Variants in DYNC2H1 observed in about 807,000 individuals in gnomAD.
DYNC2H1 encodes the protein cytoplasmic dynein 2 heavy chain 1.
A neutral mutation model predicts 570.0 loss-of-function variants in DYNC2H1; 410 were observed. That is an observed-to-expected ratio of 0.72 (90% CI 0.66 to 0.78). The LOEUF (loss-of-function observed/expected upper bound fraction) is 0.78, where lower values mean the gene tolerates loss of function less well. Ranked by LOEUF, DYNC2H1 falls within the 30% of genes least tolerant of loss-of-function variation. DYNC2H1 has a pLI of 0.00. For synonymous variants in DYNC2H1, 1,688 were observed against 1,677.6 expected, an observed-to-expected ratio of 1.01 and a Z score of -0.15; for missense variants, 4,865 against 5,046.4, an observed-to-expected ratio of 0.96 and a Z score of 1.09.
rs768842579 is a variant in DYNC2H1, at chr11:103,135,664, G to A, written c.2345+30G>A. The A allele has an allele frequency of 1.5e-5, 24 of 1,608,486 alleles. 1 individual carries two copies. The South Asian group carries it at 2.6e-4, about 17-fold the overall frequency. On this transcript the variant is annotated intron_variant, in intron 16 of 88. Transcript: ENST00000375735. ...GATGTTTTTTCAACCCCAATTTAAT[G>A]TTCATTGTATAATTTTCTAACAATT...
At position 103,439,305 on chromosome 11, in the gene DYNC2H1, A is replaced by G. The variant is rs1259438619; in HGVS notation, c.12456+3273A>G. ...AGAAGGCAGACCAGAGTCTGATATC[A>G]AGAGTAAGTATTGTGTTATACCAAA... On this transcript the variant is annotated intron_variant, in intron 85 of 88. Coordinates refer to ENST00000375735, the MANE Select transcript of DYNC2H1 (RefSeq NM_001377.3). This position sits in a 1 kb window ranked among gnomAD's most constrained non-coding sequence, Gnocchi z 4.1. Among the ~76,000 whole-genome samples, 1 of 152,136 alleles carries G rather than the reference A, an allele frequency of 6.6e-6. No homozygotes were observed. The highest frequency in any genetic ancestry group is 1.5e-5 in the Non-Finnish European group (1 of 68,028).
Position 103,417,272 on chromosome 11 carries a change from G to A in DYNC2H1, c.12366+17400G>A, listed in dbSNP as rs532139335. Among the ~76,000 whole-genome samples the A allele has an allele frequency of 2.0e-5, 3 of 150,916 alleles. No homozygotes were observed. The East Asian group carries it at 5.8e-4, about 29-fold the overall frequency. On this transcript the variant is annotated intron_variant, in intron 84 of 88. Coordinates refer to ENST00000375735, the MANE Select transcript of DYNC2H1 (RefSeq NM_001377.3). Reference sequence around the variant, plus strand: ...TTTTTATATTTTTAGTTGAGACGGGGTTTCACCATGTTGGTCAGGGGGGTT... The same window carrying A: ...TTTTTATATTTTTAGTTGAGACGGGATTTCACCATGTTGGTCAGGGGGGTT...
chr11:103,348,814 C>G (rs1939893450), intron 82 of DYNC2H1, among the ~76,000 whole-genome samples: 1 of 152,058 alleles, frequency 6.6e-6, no homozygotes, highest in Non-Finnish European at 1.5e-5. Flanking sequence ...AGGGAGGGAC[C>G]TCATGGGAGG....
intron 79 of DYNC2H1, among the ~76,000 whole-genome samples, chr11:103,314,091 C>CCT (rs1423372006): frequency 2.0e-5 from 3 of 152,032 alleles, no homozygotes; most frequent in Non-Finnish European, 4.4e-5. Flanking sequence ...GTTATATAGG[C>CCT]ACATGGTATA....
In DYNC2H1 at chr11:103,472,820, CTTT is replaced by C. The variant is rs200519741; in HGVS notation, c.12765+4122_12765+4124del. 6.6e-6 allele frequency among the ~76,000 whole-genome samples: 1 copy of C among 151,286 alleles called. No homozygotes were observed. The highest frequency in any genetic ancestry group is 1.5e-5 in the Non-Finnish European group (1 of 67,750). The stretch of plus-strand genomic sequence containing the variant: ...AAAATTCAGAACTTTGGTAACTAAA[CTTT>C]TTTTTTACACCAGAAGGAGGTTATT... On this transcript the variant is annotated intron_variant, in intron 88 of 88. Coordinates refer to ENST00000375735, the MANE Select transcript of DYNC2H1 (RefSeq NM_001377.3). The surrounding 1 kb of genome is among the most constrained non-coding windows in gnomAD (Gnocchi z 4.1).
At position 103,234,037 on chromosome 11, in the gene DYNC2H1, T is replaced by G; in HGVS notation, c.9444T>G (p.Phe3148Leu). 6.4e-7 allele frequency: 1 copy of G among 1,553,108 alleles called. No homozygotes were observed. Among genetic ancestry groups the G allele is most frequent in the African/African-American group, 1.4e-5 (1 of 73,168 alleles). ...TTAAATTTTAATGTTTACATAGATT[T>G]CAGAGCAGGACTTCAGAAGCTGCCA... is the stretch of plus-strand genomic sequence containing the variant. ...GQKVSELKEK[F>L]QSRTSEAAKL... Residue 3148 changes from phenylalanine to leucine, a missense_variant, in exon 61 of 89, where the codon TTT (phenylalanine) becomes TTG (leucine). Physicochemically the swap from Phe to Leu is conservative, Grantham distance 22. Transcript: ENST00000375735.
chr11:103,303,142 A>G lies in DYNC2H1; in HGVS notation c.11145A>G (p.Lys3715=), dbSNP rs1172663258. The change falls in exon 76 of 89, where the codon AAA becomes AAG. Residue 3715 remains lysine, a synonymous_variant. Coordinates refer to ENST00000375735, the MANE Select transcript of DYNC2H1 (RefSeq NM_001377.3). The part of the protein sequence containing the change: ...PLPLNLKRLY[K]ETLEIEPILI... ...CTCTAAATCTCAAACGTTTATACAA[A>G]GAGACACTGGAAATTGAACCCATCT... 2 of 1,611,250 alleles carry G rather than the reference A, an allele frequency of 1.2e-6. No individual in the cohort carries two copies. The highest frequency in any genetic ancestry group is 2.2e-5 in the East Asian group (1 of 44,772).
In DYNC2H1 at chr11:103,122,698, G is replaced by A. The variant is rs115727602; in HGVS notation, c.1486-127G>A. Reference sequence around the variant, plus strand: ...TTTTATATTCTTTGGTGAATCTTCCGTTTCACTGTTTATAGATGAAAGGTA... The same window carrying A: ...TTTTATATTCTTTGGTGAATCTTCCATTTCACTGTTTATAGATGAAAGGTA... On this transcript the variant is annotated intron_variant, in intron 10 of 88. Transcript: ENST00000375735. The A allele has an allele frequency of 4.3e-3, 3,475 of 806,730 alleles. 71 individuals are homozygous for A. The African/African-American group carries it at 0.05, about 12-fold the overall frequency. 50.0% of individuals were successfully genotyped at this position (806,730 alleles called of 1,614,324 possible).
rs868843817 is a variant in DYNC2H1 at position 103,307,489 on chromosome 11, G to A, written c.11383-232G>A. ...ACCAAGGTCACATAGCAGATTAGTG[G>A]CAAAGTATGAATTTCAACCCAGTCA... is the stretch of plus-strand genomic sequence containing the variant. On this transcript the variant is annotated intron_variant, in intron 77 of 88. Transcript: ENST00000375735. Among the ~76,000 whole-genome samples, 12 of 152,176 alleles carry A rather than the reference G, an allele frequency of 7.9e-5. No individual in the cohort carries two copies. In the South Asian group the frequency reaches 8.3e-4, roughly 11 times the overall value.
chr11:103,157,950 T>C lies in DYNC2H1; in HGVS notation c.4128-727T>C, dbSNP rs1860908772. Among the ~76,000 whole-genome samples the C allele has an allele frequency of 6.6e-6, 1 of 152,216 alleles. No homozygotes were observed. The highest frequency in any genetic ancestry group is 6.5e-5 in the Admixed American group (1 of 15,280). ...CAGAAACGTCTTCTACTCACTCACTTTTTCATTTTATTCTTCATCTGCATA... is the reference window on the plus strand; with the variant it reads ...CAGAAACGTCTTCTACTCACTCACTCTTTCATTTTATTCTTCATCTGCATA... On this transcript the variant is annotated intron_variant, in intron 26 of 88. Coordinates refer to ENST00000375735, the MANE Select transcript of DYNC2H1 (RefSeq NM_001377.3). This position sits in a 1 kb window ranked among gnomAD's most constrained non-coding sequence, Gnocchi z 4.2.
chr11:103,177,785 C>T lies in DYNC2H1; in HGVS notation c.6104C>T (p.Thr2035Ile). ...DTREWSDGVL[T>I]NSARQVVREP... is the part of the protein sequence containing the mutation. Reference sequence around the variant, plus strand: ...AGAGAATGGTCTGATGGTGTTTTGACAAATAGTGCTCGTCAAGTGGTTCGG... The same window carrying T: ...AGAGAATGGTCTGATGGTGTTTTGATAAATAGTGCTCGTCAAGTGGTTCGG... Residue 2035 changes from threonine to isoleucine, a missense_variant, in exon 38 of 89, where the codon ACA becomes ATA. Physicochemically the swap from Thr to Ile is moderately conservative, Grantham distance 89. Coordinates refer to ENST00000375735, the MANE Select transcript of DYNC2H1 (RefSeq NM_001377.3). The surrounding 1 kb of genome is among the most constrained non-coding windows in gnomAD (Gnocchi z 4.4). The T allele has an allele frequency of 6.2e-7, 1 of 1,612,592 alleles. No individual in the cohort carries two copies. Among genetic ancestry groups the T allele is most frequent in the Non-Finnish European group, 8.5e-7 (1 of 1,179,370 alleles).
At chr11:103,331,563 G>A (rs930800814) in intron 82 of DYNC2H1, among the ~76,000 whole-genome samples, 4 of 152,104 alleles carry the variant, frequency 2.6e-5, no homozygotes, top group African/African-American at 9.7e-5. Context: ...AAAGTTATAT[G>A]CATTTGTAAG....
At position 103,283,091 on chromosome 11, in the gene DYNC2H1, C is replaced by T; in HGVS notation, c.10890+6C>T. On this transcript the variant is annotated splice_donor_region_variant and intron_variant, in intron 73 of 88. Transcript: ENST00000375735. ...GGGCCGTGGCAACATTAAAGGTATTCCTTTTCTACTATGAGACATGTTTTA... is the reference window on the plus strand; with the variant it reads ...GGGCCGTGGCAACATTAAAGGTATTTCTTTTCTACTATGAGACATGTTTTA... The T allele has an allele frequency of 6.3e-7, 1 of 1,596,444 alleles. No homozygotes were observed. The highest frequency in any genetic ancestry group is 1.1e-5 in the South Asian group (1 of 88,364).
At chr11:103,142,371 G>A (rs888918522) in intron 17 of DYNC2H1, among the ~76,000 whole-genome samples, 1 of 152,048 alleles carries the variant, frequency 6.6e-6, no homozygotes, top group Non-Finnish European at 1.5e-5. Flanking sequence ...TTTTAAAATA[G>A]TTGTGTCATC....
In DYNC2H1 at chr11:103,245,253, T is replaced by G. The variant is rs778213371; in HGVS notation, c.9921T>G (p.Asp3307Glu). 6.5e-7 allele frequency: 1 copy of G among 1,531,746 alleles called. No individual in the cohort carries two copies. The highest frequency in any genetic ancestry group is 2.5e-5 in the East Asian group (1 of 40,656). The allele number at this position is 1,531,746 out of a possible 1,614,324, so 94.9% of individuals were successfully genotyped here. The change falls in exon 65 of 89, where the codon GAT becomes GAG. Residue 3307 changes from aspartate to glutamate, a missense_variant and splice_region_variant. Around this residue, in one of 5 missense-constraint regions of DYNC2H1, gnomAD observed 2,401 missense variants for 2,454.6 expected, o/e 0.98. Transcript: ENST00000375735. This position sits in a 1 kb window ranked among gnomAD's most constrained non-coding sequence, Gnocchi z 4.5. Reference protein sequence around the residue: ...DSRLEVINQQDSNFITALELA... With the variant: ...DSRLEVINQQESNFITALELA... ...CGTATTCTTTTTTATTCAATTAGGATAGTAACTTTATCACAGCTCTTGAAT... is the reference window on the plus strand; with the variant it reads ...CGTATTCTTTTTTATTCAATTAGGAGAGTAACTTTATCACAGCTCTTGAAT...
chr11:103,403,644 C>T (rs1942737108), intron 84 of DYNC2H1: 1 of 152,014 alleles, frequency 6.6e-6, no homozygotes, highest in Non-Finnish European at 1.5e-5. Context: ...TTTAAGCATT[C>T]AGGAATTGCA....
chr11:103,358,460 G>A (rs2512128), intron 83 of DYNC2H1, 101 bp downstream of exon 83: 1 of 774,982 alleles, frequency 1.3e-6, no homozygotes, highest in Non-Finnish European at 2.2e-6. Flanking sequence ...TCACATTGCA[G>A]AGGTTCCTAA....
rs1293772198 is a variant in DYNC2H1, at chr11:103,154,873, AC to A, written c.3573+65del. 1.1e-4 allele frequency: 122 copies of A among 1,152,638 alleles called. No individual in the cohort carries two copies. The Middle Eastern group carries it at 1.3e-3, about 12-fold the overall frequency. 71.4% of individuals were successfully genotyped at this position (1,152,638 alleles called of 1,614,324 possible). On this transcript the variant is annotated intron_variant, in intron 24 of 88. Coordinates refer to ENST00000375735, the MANE Select transcript of DYNC2H1 (RefSeq NM_001377.3). ...TTTGGAGCTTTCATCTTATGTAGTG[AC>A]TGAACTATATAATTTTACTTTATAT...
Position 103,256,162 on chromosome 11 carries a change from G to C in DYNC2H1, c.10383G>C (p.Leu3461Phe). 1 of 1,608,800 alleles carries C rather than the reference G, an allele frequency of 6.2e-7. No homozygotes were observed. The highest frequency in any genetic ancestry group is 8.5e-7 in the Non-Finnish European group (1 of 1,177,134). The change falls in exon 68 of 89, where the codon TTG becomes TTC. Residue 3461 changes from leucine to phenylalanine, a missense_variant. By Grantham distance (22) the Leu-to-Phe change is conservative (BLOSUM62 0). This residue lies in a region of DYNC2H1 where 2,401 missense variants were observed against 2,454.6 expected (regional missense o/e 0.98). Transcript: ENST00000375735. This position sits in a 1 kb window ranked among gnomAD's most constrained non-coding sequence, Gnocchi z 4.0. The stretch of plus-strand genomic sequence containing the variant: ...AAAATAAGGATTTGATTGAGTCTTT[G>C]AATCAGACAAAAGCAAGCAGTGCAC... ...ILENKDLIESLNQTKASSALI... is the reference protein window; with the variant it reads ...ILENKDLIESFNQTKASSALI...
Sources: gnomAD v4.1 joint callset for allele counts (sites outside exome capture counted in the v4.1 genomes callset) on GRCh38, gnomAD v4.1.1 for gene constraint, gnomAD v4.1.1 regional missense constraint, Gnocchi (gnomAD v3.1) non-coding constraint, MANE v1.5 for transcripts, NCBI Gene and HGNC (gene_info 2026-07-23, HGNC 2026-07-21) for gene names.